Variants in ESRRG observed in about 807,000 individuals in gnomAD.
ESRRG encodes estrogen-related receptor gamma.
In ESRRG, 13 loss-of-function variants were observed where a neutral mutation model predicts 44.0. The observed-to-expected ratio is 0.30, with a 90% CI of 0.19 to 0.47. The LOEUF (loss-of-function observed/expected upper bound fraction) is 0.47, where lower values mean the gene tolerates loss of function less well. Ranked by LOEUF, ESRRG falls within the 20% of genes least tolerant of loss-of-function variation. The pLI, the probability that ESRRG is intolerant of heterozygous loss-of-function variation, is 1.00. For synonymous variants in ESRRG, 215 were observed against 214.6 expected, an observed-to-expected ratio of 1.00 and a Z score of -0.02; for missense variants, 395 against 580.6, an observed-to-expected ratio of 0.68 and a Z score of 3.29.
chr1:217,058,418 T>C (rs988233239), intron 1 of ESRRG, among the ~76,000 whole-genome samples: 3 of 152,150 alleles, frequency 2.0e-5, no homozygotes, highest in African/African-American at 7.2e-5. Context: ...TATTTGAGAA[T>C]GAGCTTCCGA....
Position 216,505,176 on chromosome 1 carries a change from T to C in ESRRG, c.*1763A>G, listed in dbSNP as rs2040982972. 6 of 152,766 alleles carry C rather than the reference T, an allele frequency of 3.9e-5. No individual in the cohort carries two copies. The South Asian group carries it at 1.2e-3, about 32-fold the overall frequency. 9.5% of individuals were successfully genotyped at this position (152,766 alleles called of 1,614,324 possible). Reference sequence around the variant, plus strand: ...TAATACAGGGAGCAGCTACTAACACTGGTCCATTGGTATAGCATTTGATGG... The same window carrying C: ...TAATACAGGGAGCAGCTACTAACACCGGTCCATTGGTATAGCATTTGATGG... On this transcript the variant is annotated 3_prime_UTR_variant, in exon 7 of 7. Coordinates refer to ENST00000408911, the MANE Select transcript of ESRRG (RefSeq NM_001438.4).
chr1:216,853,997 C>A (rs752509139), intron 2 of ESRRG, among the ~76,000 whole-genome samples: 1 of 152,092 alleles, frequency 6.6e-6, no homozygotes, highest in Non-Finnish European at 1.5e-5. Flanking sequence ...AGACACAATG[C>A]CATCAATTAC....
At chr1:216,916,205 T>C (rs762853795) in intron 2 of ESRRG, among the ~76,000 whole-genome samples, 26 of 152,198 alleles carry the variant, frequency 1.7e-4, no homozygotes, top group Non-Finnish European at 3.2e-4. Context: ...AACGTGGACT[T>C]GCCAGAAAAT....
At chr1:216,948,476 CAAAAAAAAA>C (rs5780948) in intron 1 of ESRRG, among the ~76,000 whole-genome samples, 1 of 103,394 alleles carries the variant, frequency 9.7e-6, no homozygotes, top group Non-Finnish European at 2.0e-5. Context: ...GACTCCATCT[CAAAAAAAAA>C]AAAAAAAAAA....
At chr1:216,548,450 G>A (rs1289154755) in intron 5 of ESRRG, among the ~76,000 whole-genome samples, 2 of 152,184 alleles carry the variant, frequency 1.3e-5, no homozygotes, top group South Asian at 4.1e-4. Flanking sequence ...ATGTCCTTCA[G>A]TTCTGCTAAC....
chr1:216,629,244 C>T (rs1164442851), intron 3 of ESRRG, among the ~76,000 whole-genome samples: 2 of 152,078 alleles, frequency 1.3e-5, no homozygotes, highest in African/African-American at 4.8e-5. Flanking sequence ...AGGAATGAAA[C>T]CAAGACATGA....
chr1:217,087,993 C>G (rs1408315319), intron 1 of ESRRG, among the ~76,000 whole-genome samples: 3 of 151,542 alleles, frequency 2.0e-5, no homozygotes, highest in Non-Finnish European at 4.4e-5. Flanking sequence ...CCCACAATGA[C>G]AGAACTGTTT....
At chr1:217,033,448 G>A (rs2082371433) in intron 1 of ESRRG, among the ~76,000 whole-genome samples, 1 of 152,106 alleles carries the variant, frequency 6.6e-6, no homozygotes. Flanking sequence ...CTCCTTTTAT[G>A]TCAAAGTCAC....
intron 2 of ESRRG, among the ~76,000 whole-genome samples, chr1:216,835,949 C>T (rs1485681484): frequency 6.6e-6 from 1 of 151,916 alleles, no homozygotes; most frequent in Non-Finnish European, 1.5e-5. Flanking sequence ...GGCCCTAGTT[C>T]GATAGAGTCC....
intron 1 of ESRRG, among the ~76,000 whole-genome samples, chr1:217,118,999 CTAGATGGA>C (rs1161255392): frequency 1.5e-5 from 2 of 130,970 alleles, no homozygotes; most frequent in African/African-American, 5.6e-5. Flanking sequence ...TCTCTAGAAA[CTAGATGGA>C]TAGATAGATA....
At chr1:217,107,558 C>T (rs1440472438) in intron 1 of ESRRG, among the ~76,000 whole-genome samples, 1 of 152,202 alleles carries the variant, frequency 6.6e-6, no homozygotes, top group African/African-American at 2.4e-5. Context: ...ATCAGTTCTT[C>T]TTAATAGTTG....
At chr1:216,868,858 A>G (rs1302703911) in intron 2 of ESRRG, among the ~76,000 whole-genome samples, 2 of 152,160 alleles carry the variant, frequency 1.3e-5, no homozygotes, top group Non-Finnish European at 2.9e-5. Flanking sequence ...TGCATTTCAT[A>G]TATTTCCTTT....
At chr1:216,962,820 G>A (rs2069402409) in intron 1 of ESRRG, among the ~76,000 whole-genome samples, 1 of 152,116 alleles carries the variant, frequency 6.6e-6, no homozygotes, top group African/African-American at 2.4e-5. Flanking sequence ...CAGTGAACAT[G>A]AACATAGGTG....
chr1:216,506,847 T>C lies in ESRRG; in HGVS notation c.*92A>G. The C allele has an allele frequency of 2.1e-6, 3 of 1,427,218 alleles. No individual in the cohort carries two copies. The highest frequency in any genetic ancestry group is 2.9e-6 in the Non-Finnish European group (3 of 1,048,606). The allele number at this position is 1,427,218 out of a possible 1,614,324, so 88.4% of individuals were successfully genotyped here. A position where few individuals can be genotyped will look rare whatever the true frequency, so the allele number is the denominator to read the frequency against. On this transcript the variant is annotated 3_prime_UTR_variant, in exon 7 of 7. Transcript: ENST00000408911. ...AGTGCAGTCTGTTGATTTTTGATGT[T>C]GTTAACTAAACTCTAAGTTTCTTCG...
At chr1:216,846,567 G>A (rs1332388410) in intron 2 of ESRRG, among the ~76,000 whole-genome samples, 1 of 152,098 alleles carries the variant, frequency 6.6e-6, no homozygotes, top group African/African-American at 2.4e-5. Context: ...TTTGGCCTGA[G>A]GGCAGCAGTT....
At chr1:216,569,415 T>C (rs1197954119) in intron 3 of ESRRG, among the ~76,000 whole-genome samples, 1 of 152,136 alleles carries the variant, frequency 6.6e-6, no homozygotes, top group Non-Finnish European at 1.5e-5. Context: ...AATAGAACTT[T>C]TTCCCAAATA....
rs186301315 is a variant in ESRRG, at chr1:216,932,492, T to C, written c.-14+7090A>G. ...CAAAAAGTAAGGTCTGTTAGAACCA[T>C]GGGTAACTAGGATTTGCGTCCTCGC... On this transcript the variant is annotated intron_variant, in intron 2 of 7. Transcript: ENST00000359162. Among the ~76,000 whole-genome samples, 414 of 152,194 alleles carry C rather than the reference T, an allele frequency of 2.7e-3. 3 individuals carry two copies. Among genetic ancestry groups the C allele is most frequent in the African/African-American group, 9.3e-3 (386 of 41,528 alleles).
chr1:216,945,300 G>C (rs1466381189), intron 1 of ESRRG, among the ~76,000 whole-genome samples: 1 of 152,072 alleles, frequency 6.6e-6, no homozygotes, highest in East Asian at 1.9e-4. Flanking sequence ...CCTATTTTCA[G>C]AATTTCCTTC....
intron 2 of ESRRG, among the ~76,000 whole-genome samples, chr1:216,928,538 C>T (rs17044346): frequency 0.083 from 12,681 of 152,200 alleles, 717 homozygotes; most frequent in East Asian, 0.19. Context: ...TGTTCGTGGA[C>T]ATTTTTTATG....
Sources: gnomAD v4.1 joint callset for allele counts (sites outside exome capture counted in the v4.1 genomes callset) on GRCh38, gnomAD v4.1.1 for gene constraint, MANE v1.5 for transcripts, NCBI Gene and HGNC (gene_info 2026-07-23, HGNC 2026-07-21) for gene names.